LGALS4: variants seen among roughly 807,000 people sequenced by gnomAD.
The protein encoded by LGALS4 is galectin-4.
In LGALS4, 37 loss-of-function variants were observed where a neutral mutation model predicts 39.6. That is an observed-to-expected ratio of 0.93 (90% CI 0.72 to 1.23). LGALS4 has a LOEUF of 1.23. LGALS4 is among the 50% of genes most tolerant of loss of function. LGALS4 has a pLI of 0.00. For missense variants in LGALS4, 397 were observed against 433.2 expected, an observed-to-expected ratio of 0.92 and a Z score of 0.74; for synonymous variants, 160 against 165.5, an observed-to-expected ratio of 0.97 and a Z score of 0.25.
At chr19:38,808,979 G>A (rs760708686) in intron 2 of LGALS4, 31 bp from the exon 3 acceptor site, 6 of 1,560,564 alleles carry the variant, frequency 3.8e-6, no homozygotes, top group Non-Finnish European at 2.6e-6. Flanking sequence ...CATTCCCCTG[G>A]TGCCACCTCC....
At chr19:38,804,174 C>T (rs1971395671) in intron 4 of LGALS4, among the ~76,000 whole-genome samples, 1 of 152,176 alleles carries the variant, frequency 6.6e-6, no homozygotes, top group South Asian at 2.1e-4. Context: ...TGTCCCGGGG[C>T]CCTCACTCGC....
At chr19:38,809,171 TTC>T (rs1971461559) in intron 2 of LGALS4, among the ~76,000 whole-genome samples, 1 of 131,074 alleles carries the variant, frequency 7.6e-6, no homozygotes, top group Non-Finnish European at 1.5e-5. Context: ...CAGCCTTTCC[TTC>T]TTTTTTTTTT....
In LGALS4 at chr19:38,802,081, C is replaced by T. The variant is rs770923216; in HGVS notation, c.736G>A (p.Val246Met). ...CCATTCAGAAGGCTGTTCCGGACCA[C>T]GGTACCGTTGCCCATGCGGGGATTA... is the stretch of plus-strand genomic sequence containing the variant. ...HINPRMGNGTVVRNSLLNGSW... is the reference protein window; with the variant it reads ...HINPRMGNGTMVRNSLLNGSW... The change falls in exon 9 of 10, where the codon GTG (valine) becomes ATG (methionine). Residue 246 changes from valine (V) to methionine (M), a missense_variant. Physicochemically the swap from Val to Met is conservative, Grantham distance 21. Coordinates refer to ENST00000307751, the MANE Select transcript of LGALS4 (RefSeq NM_006149.4). The T allele has an allele frequency of 4.3e-6, 7 of 1,614,204 alleles. No homozygotes were observed. Among genetic ancestry groups the T allele is most frequent in the East Asian group, 4.5e-5 (2 of 44,878 alleles).
intron 3 of LGALS4, among the ~76,000 whole-genome samples, chr19:38,807,118 A>G (rs1971431203): frequency 6.6e-6 from 1 of 152,174 alleles, no homozygotes; most frequent in South Asian, 2.1e-4. Context: ...CTGTAATCCC[A>G]GCACTTTAGG....
At chr19:38,809,469 C>A (rs778011025) in intron 2 of LGALS4, among the ~76,000 whole-genome samples, 1 of 150,586 alleles carries the variant, frequency 6.6e-6, no homozygotes. Context: ...TGTGAGACAC[C>A]GTGCCTGACA....
At chr19:38,812,674 CACAG>C (rs1971508744) in intron 1 of LGALS4, 155 bp from the exon 2 acceptor site, 18 of 936,594 alleles carry the variant, frequency 1.9e-5, no homozygotes, top group Non-Finnish European at 2.5e-5. Context: ...TAGACGTGGA[CACAG>C]ACAGCCTGAG....
chr19:38,807,028 T>A (rs1413290635), intron 3 of LGALS4, among the ~76,000 whole-genome samples: 1 of 151,384 alleles, frequency 6.6e-6, no homozygotes, highest in African/African-American at 2.4e-5. Flanking sequence ...AGCCTCAGCA[T>A]CAGGAACCTT....
At chr19:38,802,555 C>T (rs976855966) in intron 7 of LGALS4, 151 bp from the exon 8 acceptor site, 12 of 634,408 alleles carry the variant, frequency 1.9e-5, no homozygotes, top group African/African-American at 1.1e-4. Flanking sequence ...AGTGCAGTGG[C>T]ATGATCAAGC....
intron 4 of LGALS4, among the ~76,000 whole-genome samples, chr19:38,804,522 G>T (rs12610990): frequency 6.6e-6 from 1 of 151,966 alleles, no homozygotes; most frequent in Non-Finnish European, 1.5e-5. Flanking sequence ...CAGGTGATCC[G>T]CTCGCCTCAC....
Position 38,812,827 on chromosome 19 carries a change from G to A in LGALS4, c.45+15C>T, listed in dbSNP as rs550645671. On this transcript the variant is annotated intron_variant, in intron 1 of 9. Transcript: ENST00000307751. ...CGGAGCTGCGGGCGGAGTGGGGCCT[G>A]AGCTGGCATCTCACCGGGTTGTAGG... 8 of 1,610,724 alleles carry A rather than the reference G, an allele frequency of 5.0e-6. No individual in the cohort carries two copies. Among genetic ancestry groups the A allele is most frequent in the East Asian group, 2.2e-5 (1 of 44,880 alleles).
Position 38,804,994 on chromosome 19 carries a change from T to A in LGALS4, c.475-1099A>T, listed in dbSNP as rs1834490277. Among the ~76,000 whole-genome samples the A allele has an allele frequency of 2.0e-5, 3 of 151,518 alleles. No homozygotes were observed. The South Asian group carries it at 6.2e-4, about 32-fold the overall frequency. ...AACATAGGAAAATTCCTCCCCTCTG[T>A]CTTTACAAAAAATTTAAAAACTAGC... On this transcript the variant is annotated intron_variant, in intron 4 of 9. Transcript: ENST00000307751.
Position 38,802,004 on chromosome 19 carries a change from T to G in LGALS4, c.813A>C (p.Gly271=). 6.2e-7 allele frequency: 1 copy of G among 1,614,218 alleles called. No individual in the cohort carries two copies. The highest frequency in any genetic ancestry group is 8.5e-7 in the Non-Finnish European group (1 of 1,180,030). The change falls in exon 9 of 10, where the codon GGA becomes GGC. Residue 271 remains glycine, a synonymous_variant. Transcript: ENST00000307751. ...KKITHNPFGP[G]QFFDLSIRCG... is the part of the protein sequence containing the mutation. ...AGCTCAGACTCACATCAAAGAACTG[T>G]CCGGGACCAAATGGGTTGTGGGTGA... is the stretch of plus-strand genomic sequence containing the variant.
At chr19:38,806,370 AAAAAAAAGAAAAAAAG>A (rs559476215) in intron 4 of LGALS4, 75 bp downstream of exon 4, 4 of 1,467,168 alleles carry the variant, frequency 2.7e-6, no homozygotes, top group South Asian at 2.6e-5. Flanking sequence ...TCCGTCTCAA[AAAAAAAAGAAAAAAAG>A]AAAAAAAGAA....
intron 1 of LGALS4, 53 bp from the exon 2 acceptor site, chr19:38,812,572 T>C: frequency 6.5e-7 from 1 of 1,527,382 alleles, no homozygotes; most frequent in South Asian, 1.1e-5. Context: ...TGTTGCAGCC[T>C]TTACCCCTCC....
intron 4 of LGALS4, among the ~76,000 whole-genome samples, chr19:38,804,281 T>TTTTA (rs900298286): frequency 2.6e-5 from 4 of 152,152 alleles, no homozygotes; most frequent in African/African-American, 9.7e-5. Flanking sequence ...TGCCAAACAC[T>TTTTA]TTTATTTATT....
chr19:38,806,904 G>A (rs991510653), intron 3 of LGALS4, among the ~76,000 whole-genome samples: 1 of 151,662 alleles, frequency 6.6e-6, no homozygotes, highest in South Asian at 2.1e-4. Flanking sequence ...TGGAGATCAC[G>A]CTGCTGCACT....
intron 5 of LGALS4, 37 bp from the exon 6 acceptor site, chr19:38,803,817 G>T (rs1971390716): frequency 6.2e-7 from 1 of 1,613,524 alleles, no homozygotes; most frequent in African/African-American, 1.3e-5. Context: ...GGTGAGAGGG[G>T]CTGAGGGACC....
At chr19:38,803,387 T>C in intron 7 of LGALS4, 135 bp downstream of exon 7, 1 of 861,074 alleles carries the variant, frequency 1.2e-6, no homozygotes, top group South Asian at 1.5e-5. Context: ...TCCCTAAACC[T>C]GACCACGAAC....
chr19:38,801,958 TGGAA>T (rs1242951095), intron 9 of LGALS4, 30 bp downstream of exon 9: 9 of 1,613,784 alleles, frequency 5.6e-6, no homozygotes, highest in Non-Finnish European at 7.6e-6. Context: ...ACTGAGGCCC[TGGAA>T]GGAAGTGGGA....
Sources: gnomAD v4.1 joint callset for allele counts (sites outside exome capture counted in the v4.1 genomes callset) on GRCh38, gnomAD v4.1.1 for gene constraint, MANE v1.5 for transcripts, NCBI Gene and HGNC (gene_info 2026-07-23, HGNC 2026-07-21) for gene names.